Variants in GFRA1 observed in about 807,000 individuals in gnomAD.
The protein encoded by GFRA1 is GDNF family receptor alpha-1.
In GFRA1, 16 loss-of-function variants were observed where a neutral mutation model predicts 51.6. That is an observed-to-expected ratio of 0.31 (90% CI 0.21 to 0.47). The LOEUF (loss-of-function observed/expected upper bound fraction) is 0.47. Ranked by LOEUF, GFRA1 falls within the 20% of genes least tolerant of loss-of-function variation. The pLI is 1.00. For synonymous variants in GFRA1, 270 were observed against 241.3 expected, an observed-to-expected ratio of 1.12 and a Z score of -1.10; for missense variants, 530 against 594.3, an observed-to-expected ratio of 0.89 and a Z score of 1.13.
chr10:116,256,410 C>T (rs1968860197), intron 4 of GFRA1, among the ~76,000 whole-genome samples: 1 of 152,170 alleles, frequency 6.6e-6, no homozygotes, highest in Non-Finnish European at 1.5e-5. Flanking sequence ...TGTTGCCCTT[C>T]CTCCCAGGGA....
Position 116,060,247 on chromosome 10 carries a change from A to G in GFRA1, c.*4151T>C, listed in dbSNP as rs1229626059. On this transcript the variant is annotated 3_prime_UTR_variant, in exon 11 of 11. Coordinates refer to ENST00000355422, the MANE Select transcript of GFRA1 (RefSeq NM_005264.8). ...CCAAGAGGTGTCAGATATACACTTG[A>G]GATATCTATCTTAGGGATGAGAGAA... 6.6e-6 allele frequency: 1 copy of G among 152,218 alleles called. No homozygotes were observed. The highest frequency in any genetic ancestry group is 1.5e-5 in the Non-Finnish European group (1 of 68,050). The allele number at this position is 152,218 out of a possible 1,614,324, so 9.4% of individuals were successfully genotyped here. A position where few individuals can be genotyped will look rare whatever the true frequency, so the allele number is the denominator to read the frequency against.
chr10:116,192,017 G>C (rs537048153), intron 5 of GFRA1, among the ~76,000 whole-genome samples: 68 of 152,276 alleles, frequency 4.5e-4, no homozygotes, highest in African/African-American at 1.6e-3. Flanking sequence ...ACAAGAGTGA[G>C]ACTTCATCTA....
rs144807470 is a variant in GFRA1 at position 116,084,712 on chromosome 10, A to G, written c.1197+5029T>C. 6.1e-3 allele frequency among the ~76,000 whole-genome samples: 931 copies of G among 152,038 alleles called. 8 individuals carry two copies. Among genetic ancestry groups the G allele is most frequent in the African/African-American group, 0.021 (871 of 41,466 alleles). ...AGAGTTAAGCAGTGTACAATGATGC[A>G]AAATAGAGAATTTTTCTAACGTTCC... On this transcript the variant is annotated intron_variant, in intron 9 of 10. Coordinates refer to ENST00000355422, the MANE Select transcript of GFRA1 (RefSeq NM_005264.8).
upstream of GFRA1, chr10:116,273,377 CCTCGG>C (rs1166748970): frequency 6.6e-6 from 1 of 152,114 alleles, no homozygotes; most frequent in East Asian, 1.9e-4. Flanking sequence ...CGAGCAGAGC[CCTCGG>C]CTCGGATGCT....
intron 4 of GFRA1, among the ~76,000 whole-genome samples, chr10:116,263,657 G>C (rs895788687): frequency 8.5e-5 from 13 of 152,214 alleles, no homozygotes; most frequent in African/African-American, 2.9e-4. Flanking sequence ...TAGTAAAAGA[G>C]TGAAGGAAGA....
chr10:116,079,322 TAAGAC>T (rs1454129780), intron 9 of GFRA1, among the ~76,000 whole-genome samples: 1 of 152,108 alleles, frequency 6.6e-6, no homozygotes, highest in Non-Finnish European at 1.5e-5. Context: ...CCAAATGGAC[TAAGAC>T]AAGTAGTAAC....
intron 6 of GFRA1, among the ~76,000 whole-genome samples, chr10:116,098,730 C>T (rs914641572): frequency 2.0e-5 from 3 of 152,200 alleles, no homozygotes; most frequent in Non-Finnish European, 4.4e-5. Context: ...ATTAACTGAA[C>T]AACACTGTGA....
At chr10:116,271,607 C>T (rs1004354596) in intron 2 of GFRA1, among the ~76,000 whole-genome samples, 1 of 152,110 alleles carries the variant, frequency 6.6e-6, no homozygotes, top group Admixed American at 6.5e-5. Context: ...AGAAGCTACT[C>T]GGGAAAAACT....
At chr10:116,154,359 C>T (rs951750168) in intron 5 of GFRA1, among the ~76,000 whole-genome samples, 18 of 152,214 alleles carry the variant, frequency 1.2e-4, no homozygotes, top group Middle Eastern at 3.4e-3. Flanking sequence ...TGTAGTCATA[C>T]GATAGAAAAA....
chr10:116,096,493 CT>C (rs34231642), intron 7 of GFRA1, among the ~76,000 whole-genome samples, 161 bp downstream of exon 7: 10 of 149,822 alleles, frequency 6.7e-5, no homozygotes, highest in Non-Finnish European at 5.9e-5. Context: ...TTTTTTTTTT[CT>C]TTTTTTTTAC....
chr10:116,264,013 G>A (rs1276070827), intron 4 of GFRA1, among the ~76,000 whole-genome samples: 1 of 152,154 alleles, frequency 6.6e-6, no homozygotes, highest in Non-Finnish European at 1.5e-5. Flanking sequence ...GAGAGATGAT[G>A]AGATCCATTC....
chr10:116,085,407 A>G (rs899580477), intron 9 of GFRA1, among the ~76,000 whole-genome samples: 1 of 152,218 alleles, frequency 6.6e-6, no homozygotes. Flanking sequence ...AAGATAGTTG[A>G]CTTTCTCTGA....
intron 5 of GFRA1, among the ~76,000 whole-genome samples, chr10:116,130,626 T>C (rs1233106506): frequency 6.6e-6 from 1 of 152,082 alleles, no homozygotes; most frequent in East Asian, 1.9e-4. Context: ...CTTGATTTTT[T>C]TGAAAGCAAC....
chr10:116,122,025 G>GT (rs1957666184), intron 6 of GFRA1, among the ~76,000 whole-genome samples: 1 of 152,176 alleles, frequency 6.6e-6, no homozygotes, highest in Non-Finnish European at 1.5e-5. Flanking sequence ...GTAATCATGA[G>GT]TAATAAATCC....
intron 5 of GFRA1, among the ~76,000 whole-genome samples, chr10:116,138,031 G>A (rs1490701040): frequency 1.3e-5 from 2 of 152,120 alleles, no homozygotes; most frequent in African/African-American, 2.4e-5. Context: ...TCAAACTCGT[G>A]ATCTCGTGAT....
intron 5 of GFRA1, among the ~76,000 whole-genome samples, chr10:116,193,111 C>G (rs1329984733): frequency 6.6e-6 from 1 of 151,972 alleles, no homozygotes; most frequent in Non-Finnish European, 1.5e-5. Context: ...CTAAAGTGGC[C>G]TGGAAAAATG....
Position 116,139,272 on chromosome 10 carries a change from T to G in GFRA1, c.434-13715A>C, listed in dbSNP as rs150953289. Among the ~76,000 whole-genome samples, 299 of 152,330 alleles carry G rather than the reference T, an allele frequency of 2.0e-3. 1 individual carries two copies. The highest frequency in any genetic ancestry group is 7.0e-3 in the African/African-American group (289 of 41,568). On this transcript the variant is annotated intron_variant, in intron 5 of 10. Transcript: ENST00000355422. ...GCTTTTCACACAAGCATGTTGGTTT[T>G]GGGGTTGTTGTGTCCCTGATTACAT...
intron 5 of GFRA1, among the ~76,000 whole-genome samples, chr10:116,182,154 G>T (rs1368833621): frequency 1.3e-5 from 2 of 152,118 alleles, no homozygotes; most frequent in African/African-American, 4.8e-5. Context: ...GGGCAGAAAT[G>T]GGGAGTGCAG....
At chr10:116,229,636 C>A (rs913480419) in intron 4 of GFRA1, among the ~76,000 whole-genome samples, 13 of 152,174 alleles carry the variant, frequency 8.5e-5, no homozygotes, top group African/African-American at 3.1e-4. Context: ...ATTTGGAGCA[C>A]ATGAAGGTGA....
Sources: gnomAD v4.1 joint callset for allele counts (sites outside exome capture counted in the v4.1 genomes callset) on GRCh38, gnomAD v4.1.1 for gene constraint, MANE v1.5 for transcripts, NCBI Gene and HGNC (gene_info 2026-07-23, HGNC 2026-07-21) for gene names.